GCA: variants seen among roughly 807,000 people sequenced by gnomAD.
GCA encodes the protein grancalcin, also known as grancalcin, EF-hand calcium-binding protein.
GCA carries 30 observed loss-of-function variants against 32.6 expected under a neutral mutation model. The ratio of observed to expected loss-of-function variants is 0.92; its 90% CI spans 0.69 to 1.25. GCA has a LOEUF of 1.25. Ranked by LOEUF, GCA falls within the 50% of genes most tolerant of loss-of-function variation. The pLI is 0.00. For missense variants in GCA, 291 were observed against 266.8 expected, an observed-to-expected ratio of 1.09 and a Z score of -0.63; for synonymous variants, 102 against 84.6, an observed-to-expected ratio of 1.21 and a Z score of -1.13.
rs375281975 is a variant in GCA, at chr2:162,360,988, A to G, written c.*745A>G. Reference sequence around the variant, plus strand: ...TCACCTAAAATGGCATCCTGCTCTGAATCTAGACTTTTTAGAAATGGCATA... The same window carrying G: ...TCACCTAAAATGGCATCCTGCTCTGGATCTAGACTTTTTAGAAATGGCATA... On this transcript the variant is annotated 3_prime_UTR_variant, in exon 8 of 8. Transcript: ENST00000437150. 20 of 1,090,576 alleles carry G rather than the reference A, an allele frequency of 1.8e-5. No homozygotes were observed. In the African/African-American group the frequency reaches 2.9e-4, roughly 16 times the overall value. 67.6% of individuals were successfully genotyped at this position (1,090,576 alleles called of 1,614,324 possible).
At chr2:162,357,024 CTTTG>C (rs1176745067) in intron 5 of GCA, 119 bp downstream of exon 5, 2 of 645,314 alleles carry the variant, frequency 3.1e-6, no homozygotes, top group Non-Finnish European at 5.1e-6. Flanking sequence ...CAGCAAGTTC[CTTTG>C]TTTGTTTTCA....
In GCA at chr2:162,352,368, A is replaced by C; in HGVS notation, c.223A>C (p.Arg75=). 1 of 1,596,142 alleles carries C rather than the reference A, an allele frequency of 6.3e-7. No individual in the cohort carries two copies. The change falls in exon 3 of 8, where the codon AGA becomes CGA. Residue 75 remains arginine (R), a synonymous_variant. Coordinates refer to ENST00000437150, the MANE Select transcript of GCA (RefSeq NM_012198.5). The part of the protein sequence containing the change: ...DGEVDAEELQ[R]CLTQSGINGT... The stretch of plus-strand genomic sequence containing the variant: ...TGAAGTGGATGCTGAAGAACTTCAG[A>C]GATGTTTGACACAGTCTGGAATTAA...
chr2:162,371,803 T>C (rs764940868), downstream of GCA: 69 of 1,590,470 alleles, frequency 4.3e-5, no homozygotes, highest in Non-Finnish European at 5.2e-5. Flanking sequence ...ACTTACATTG[T>C]ATGTGGAGTA....
intron 2 of GCA, among the ~76,000 whole-genome samples, chr2:162,348,934 A>G (rs1684848855): frequency 6.6e-6 from 1 of 152,018 alleles, no homozygotes; most frequent in Admixed American, 6.6e-5. Context: ...TGTCTTCCAA[A>G]TTAATTGATA....
At chr2:162,341,093 C>A (rs1684426241), upstream of GCA, among the ~76,000 whole-genome samples, 1 of 151,828 alleles carries the variant, frequency 6.6e-6, no homozygotes, top group Non-Finnish European at 1.5e-5. Flanking sequence ...AAAGCAAGGA[C>A]ATTCCTCCCC....
At chr2:162,374,889 A>G (rs1372292944), downstream of GCA, among the ~76,000 whole-genome samples, 1 of 152,186 alleles carries the variant, frequency 6.6e-6, no homozygotes. Context: ...GCAAATGTCA[A>G]AACCACTCTG....
chr2:162,333,649 T>C (rs1229852307), intron 1 of GCA, among the ~76,000 whole-genome samples: 1 of 152,182 alleles, frequency 6.6e-6, no homozygotes, highest in African/African-American at 2.4e-5. Context: ...ATTCAAATTA[T>C]TTTGATACTA....
intron 4 of GCA, 134 bp from the exon 5 acceptor site, chr2:162,356,624 C>A: frequency 1.2e-6 from 1 of 858,504 alleles, no homozygotes; most frequent in Non-Finnish European, 1.9e-6. Flanking sequence ...TCTAGGCTTT[C>A]TAGTTTTTAT....
In GCA at chr2:162,334,494, G is replaced by T. The variant is rs76717438; in HGVS notation, c.-30-13084G>T. Among the ~76,000 whole-genome samples the T allele has an allele frequency of 4.1e-4, 62 of 152,254 alleles. No individual in the cohort carries two copies. The East Asian group carries it at 0.012, about 29-fold the overall frequency. ...TTCTGCTACAGAATCAGGGAAAAGG[G>T]TATAAATATCTATAGGTAAGGGACA... On this transcript the variant is annotated intron_variant, in intron 1 of 4. Coordinates refer to the GCA transcript ENST00000429691.
At position 162,359,051 on chromosome 2, in the gene GCA, G is replaced by A. The variant is rs760359625; in HGVS notation, c.462G>A (p.Arg154=). ...LRQAIGLMGY[R]LSPQTLTTIV... ...AATTTATCTCTTTTTTAGGTTATAG[G>A]TTGAGTCCTCAAACATTAACTACTA... Residue 154 remains arginine, a synonymous_variant, in exon 6 of 8, where the codon AGG becomes AGA. Coordinates refer to ENST00000437150, the MANE Select transcript of GCA (RefSeq NM_012198.5). The A allele has an allele frequency of 4.6e-6, 7 of 1,518,474 alleles. No homozygotes were observed. In the South Asian group the frequency reaches 6.8e-5, roughly 15 times the overall value. The allele number at this position is 1,518,474 out of a possible 1,614,324, so 94.1% of individuals were successfully genotyped here.
chr2:162,348,964 A>C (rs1169370122), intron 2 of GCA, among the ~76,000 whole-genome samples: 1 of 151,936 alleles, frequency 6.6e-6, no homozygotes, highest in East Asian at 1.9e-4. Context: ...ATATTATATG[A>C]GTCAAATTCC....
chr2:162,365,038 T>A (rs1309553773), downstream of GCA, among the ~76,000 whole-genome samples: 1 of 151,568 alleles, frequency 6.6e-6, no homozygotes, highest in Non-Finnish European at 1.5e-5. Flanking sequence ...CACTGTTACA[T>A]GTGATTTCAT....
intron 4 of GCA, among the ~76,000 whole-genome samples, chr2:162,368,403 A>C (rs1180975984): frequency 2.0e-5 from 3 of 152,062 alleles, no homozygotes; most frequent in Non-Finnish European, 4.4e-5. Flanking sequence ...CATTTCTAAT[A>C]ACATCTACAG....
downstream of GCA, among the ~76,000 whole-genome samples, chr2:162,373,151 C>A (rs1379969165): frequency 2.6e-5 from 4 of 152,176 alleles, no homozygotes; most frequent in East Asian, 7.7e-4. Flanking sequence ...GAAGACTATT[C>A]CTTAGATTTC....
Position 162,360,230 on chromosome 2 carries a change from C to G in GCA, c.641C>G (p.Thr214Ser). 6.4e-7 allele frequency: 1 copy of G among 1,565,420 alleles called. No individual in the cohort carries two copies. The highest frequency in any genetic ancestry group is 8.7e-7 in the Non-Finnish European group (1 of 1,143,330). ...CTTATGTATTAGTTTTTGCAGGGCA[C>G]TATGGCAATTTGAATGCTTAGAATT... ...NFIYDDFLQG[T>S]MAI Residue 214 changes from threonine to serine, a missense_variant, in exon 8 of 8, where the codon ACT (threonine) becomes AGT (serine). By Grantham distance (58) the Thr-to-Ser change is moderately conservative. Transcript: ENST00000437150.
chr2:162,353,797 G>A (rs1441926253), intron 3 of GCA, among the ~76,000 whole-genome samples: 4 of 152,086 alleles, frequency 2.6e-5, no homozygotes, highest in Admixed American at 6.6e-5. Context: ...AAACTCCTTT[G>A]CTTTAGATGT....
At chr2:162,323,063 T>G (rs1389194242) in intron 1 of GCA, among the ~76,000 whole-genome samples, 3,722 of 151,806 alleles carry the variant, frequency 0.025, 205 homozygotes, top group African/African-American at 0.085. Context: ...ATCCTCTCCA[T>G]CACCTGTTGT....
intron 1 of GCA, among the ~76,000 whole-genome samples, chr2:162,326,946 G>A (rs943941016): frequency 4.6e-5 from 7 of 152,192 alleles, no homozygotes; most frequent in Admixed American, 1.3e-4. Context: ...AGGTAAAAAT[G>A]AGGTATGTAC....
At chr2:162,347,534 G>A in intron 1 of GCA, 44 bp from the exon 2 acceptor site, 1 of 1,190,100 alleles carries the variant, frequency 8.4e-7, no homozygotes, top group Non-Finnish European at 1.2e-6. Context: ...ATAGATAATA[G>A]GTAGTATTTA....
Sources: allele counts gnomAD v4.1 joint callset (sites outside exome capture counted in the v4.1 genomes callset), GRCh38; gene constraint gnomAD v4.1.1; transcripts MANE v1.5; gene names NCBI Gene and HGNC (gene_info 2026-07-23, HGNC 2026-07-21).